TIGAR: variants seen among roughly 807,000 people sequenced by gnomAD.
TIGAR encodes the protein TP53 induced glycolysis regulatory phosphatase.
A neutral mutation model predicts 17.9 loss-of-function variants in TIGAR; 7 were observed. The ratio of observed to expected loss-of-function variants is 0.39; its 90% CI spans 0.22 to 0.73. TIGAR has a LOEUF of 0.73. TIGAR is among the 30% of genes least tolerant of loss of function. The probability of loss-of-function intolerance (pLI) is 0.42; values close to 1 mark genes in which losing one functional copy is unlikely to be tolerated. For missense variants in TIGAR, 258 were observed against 327.4 expected, an observed-to-expected ratio of 0.79 and a Z score of 1.64; for synonymous variants, 94 against 108.6, an observed-to-expected ratio of 0.87 and a Z score of 0.84.
chr12:4,336,494 A>G (rs538114520), intron 2 of TIGAR, among the ~76,000 whole-genome samples: 3 of 137,628 alleles, frequency 2.2e-5, no homozygotes, highest in Non-Finnish European at 4.9e-5. Flanking sequence ...ACACACACAC[A>G]CTCACACACA....
intron 2 of TIGAR, among the ~76,000 whole-genome samples, chr12:4,334,506 A>C (rs1864637882): frequency 6.6e-6 from 1 of 152,210 alleles, no homozygotes; most frequent in Non-Finnish European, 1.5e-5. Flanking sequence ...TATAATATTA[A>C]TATCCCCTCT....
rs923519207 is a variant in TIGAR, at chr12:4,355,694, C to A, written c.*3003C>A. Among the ~76,000 whole-genome samples, 4 of 152,230 alleles carry A rather than the reference C, an allele frequency of 2.6e-5. No individual in the cohort carries two copies. The highest frequency in any genetic ancestry group is 6.5e-5 in the Admixed American group (1 of 15,286). ...CATGAACCAAAACAAAGTCTCTGTC[C>A]TTGTGGAACATTTGTTCTGTCAGAG... On this transcript the variant is annotated 3_prime_UTR_variant, in exon 6 of 6. Coordinates refer to ENST00000179259, the MANE Select transcript of TIGAR (RefSeq NM_020375.3).
intron 3 of TIGAR, among the ~76,000 whole-genome samples, chr12:4,344,714 T>C (rs1300187322): frequency 2.0e-5 from 3 of 152,110 alleles, no homozygotes; most frequent in Non-Finnish European, 4.4e-5. Flanking sequence ...TAGATATTGA[T>C]GGGAGCTCTC....
chr12:4,337,855 G>T (rs1864677151), intron 3 of TIGAR, among the ~76,000 whole-genome samples: 1 of 152,210 alleles, frequency 6.6e-6, no homozygotes, highest in Admixed American at 6.5e-5. Context: ...AACCAGTTGG[G>T]CATGGTGGCT....
At chr12:4,352,190 T>A in intron 5 of TIGAR, 70 bp from the exon 6 acceptor site, 2 of 1,345,930 alleles carry the variant, frequency 1.5e-6, no homozygotes, top group Non-Finnish European at 2.0e-6. Flanking sequence ...CAGTCAGTTA[T>A]GTTCTATGTT....
Position 4,359,106 on chromosome 12 carries a change from TG to T in TIGAR, c.*6416del, listed in dbSNP as rs1342604994. Among the ~76,000 whole-genome samples, 14 of 7,006 alleles carry T rather than the reference TG, an allele frequency of 2.0e-3. No individual in the cohort carries two copies. The highest frequency in any genetic ancestry group is 0.038 in the South Asian group (2 of 52). The allele number at this position is 7,006 out of a possible 152,430, so 4.6% of individuals were successfully genotyped here. On this transcript the variant is annotated 3_prime_UTR_variant, in exon 6 of 6. Transcript: ENST00000179259. Reference sequence around the variant, plus strand: ...GCCTTTATTGTTTATTTTCTGACTCTGTTTTTTTTTTCTTTAGCCAACTCAC... The same window carrying T: ...GCCTTTATTGTTTATTTTCTGACTCTTTTTTTTTTTCTTTAGCCAACTCAC...
intron 3 of TIGAR, among the ~76,000 whole-genome samples, chr12:4,347,844 A>T (rs1028229440): frequency 5.9e-5 from 9 of 152,228 alleles, no homozygotes; most frequent in Non-Finnish European, 1.2e-4. Context: ...GATTTAAAAT[A>T]TGAGAGTTTA....
At chr12:4,342,667 T>C (rs1244574362) in intron 3 of TIGAR, among the ~76,000 whole-genome samples, 4 of 152,088 alleles carry the variant, frequency 2.6e-5, no homozygotes, top group African/African-American at 9.7e-5. Context: ...AATAAAATCC[T>C]TTACAGACAA....
At position 4,324,265 on chromosome 12, in the gene TIGAR, C is replaced by A. The variant is rs531397279; in HGVS notation, c.32+2962C>A. 70 of 631,902 alleles carry A rather than the reference C, an allele frequency of 1.1e-4. No homozygotes were observed. In the Middle Eastern group the frequency reaches 1.3e-3, roughly 11 times the overall value. 39.1% of individuals were successfully genotyped at this position (631,902 alleles called of 1,614,324 possible). On this transcript the variant is annotated intron_variant, in intron 1 of 5. Transcript: ENST00000179259. Reference sequence around the variant, plus strand: ...TCCAGCACTACTGAAGGGTCTGGTTCCTTGGAATGTTGTAGGTGTTTGCAG... The same window carrying A: ...TCCAGCACTACTGAAGGGTCTGGTTACTTGGAATGTTGTAGGTGTTTGCAG...
rs1363785210 is a variant in TIGAR, at chr12:4,358,299, AAAAG to A, written c.*5612_*5615del. On this transcript the variant is annotated 3_prime_UTR_variant, in exon 6 of 6. Transcript: ENST00000179259. ...AGCTGGGCGTCTCCAAAAAAAAAAA[AAAAG>A]AAAAAGAAAAATCACTGAGCTACTG... Among the ~76,000 whole-genome samples, 7 of 152,034 alleles carry A rather than the reference AAAAG, an allele frequency of 4.6e-5. No homozygotes were observed. The highest frequency in any genetic ancestry group is 1.7e-4 in the African/African-American group (7 of 41,512).
rs772014659 is a variant in TIGAR at position 4,356,504 on chromosome 12, A to G, written c.*3813A>G. Among the ~76,000 whole-genome samples, 10 of 152,078 alleles carry G rather than the reference A, an allele frequency of 6.6e-5. No individual in the cohort carries two copies. The highest frequency in any genetic ancestry group is 1.5e-4 in the Non-Finnish European group (10 of 68,016). ...ATCTATCCCCTGCCCCTACACACGC[A>G]TTGCTTCTCCTACTATCAACATCCC... On this transcript the variant is annotated 3_prime_UTR_variant, in exon 6 of 6. Coordinates refer to ENST00000179259, the MANE Select transcript of TIGAR (RefSeq NM_020375.3).
chr12:4,355,082 A>C lies in TIGAR; in HGVS notation c.*2391A>C, dbSNP rs184852671. ...CTTAATTTTTAAGACAAACCAATAT[A>C]CCTTATCCTTTATGGGGTTTTTTTG... On this transcript the variant is annotated 3_prime_UTR_variant, in exon 6 of 6. Coordinates refer to ENST00000179259, the MANE Select transcript of TIGAR (RefSeq NM_020375.3). Among the ~76,000 whole-genome samples, 142 of 152,182 alleles carry C rather than the reference A, an allele frequency of 9.3e-4. No homozygotes were observed. The highest frequency in any genetic ancestry group is 3.3e-3 in the African/African-American group (138 of 41,518).
At chr12:4,343,515 G>A (rs994317164) in intron 3 of TIGAR, among the ~76,000 whole-genome samples, 8 of 152,172 alleles carry the variant, frequency 5.3e-5, no homozygotes, top group African/African-American at 1.9e-4. Flanking sequence ...CAAAAGAACA[G>A]AAATTATAAC....
At chr12:4,351,141 G>C (rs566344469) in intron 4 of TIGAR, 126 bp from the exon 5 acceptor site, 2 of 781,644 alleles carry the variant, frequency 2.6e-6, no homozygotes, top group Admixed American at 4.5e-5. Context: ...AGAGGAGATA[G>C]AATCAATTAA....
At chr12:4,334,219 G>C (rs1864634902) in intron 2 of TIGAR, among the ~76,000 whole-genome samples, 1 of 152,184 alleles carries the variant, frequency 6.6e-6, no homozygotes, top group South Asian at 2.1e-4. Context: ...CACAGTTCTA[G>C]AGACTGTGAA....
rs76245361 is a variant in TIGAR at position 4,355,352 on chromosome 12, C to T, written c.*2661C>T. Among the ~76,000 whole-genome samples the T allele has an allele frequency of 5.4e-3, 823 of 152,204 alleles. 7 individuals carry two copies. The highest frequency in any genetic ancestry group is 0.019 in the African/African-American group (807 of 41,518). ...CTCACACCCCCTCATTTGCTAGAGT[C>T]TGTGGACTCTTTTAGTTATCTGTGT... On this transcript the variant is annotated 3_prime_UTR_variant, in exon 6 of 6. Transcript: ENST00000179259.
chr12:4,325,507 G>A (rs909093496), intron 1 of TIGAR, among the ~76,000 whole-genome samples: 1 of 151,898 alleles, frequency 6.6e-6, no homozygotes, highest in Non-Finnish European at 1.5e-5. Flanking sequence ...TTGGGAGGCC[G>A]AGGCGGGTGG....
At chr12:4,348,391 A>G (rs1864803588) in intron 3 of TIGAR, among the ~76,000 whole-genome samples, 1 of 152,198 alleles carries the variant, frequency 6.6e-6, no homozygotes, top group African/African-American at 2.4e-5. Flanking sequence ...AAATTGCAAG[A>G]CTCCAAAGAA....
At chr12:4,330,243 G>A (rs139119714) in intron 1 of TIGAR, among the ~76,000 whole-genome samples, 1 of 152,176 alleles carries the variant, frequency 6.6e-6, no homozygotes, top group East Asian at 1.9e-4. Flanking sequence ...ACAATGGAGC[G>A]ATCATTTTCC....
Sources: allele counts gnomAD v4.1 joint callset (sites outside exome capture counted in the v4.1 genomes callset), GRCh38; gene constraint gnomAD v4.1.1; transcripts MANE v1.5; gene names NCBI Gene and HGNC (gene_info 2026-07-23, HGNC 2026-07-21).